MRPL47: variants seen among roughly 807,000 people sequenced by gnomAD.
MRPL47 encodes the protein mitochondrial ribosomal protein L47, also known as large ribosomal subunit protein uL29m.
Under a neutral mutation model 34.0 loss-of-function variants are expected in MRPL47, and 31 were observed. That is an observed-to-expected ratio of 0.91 (90% confidence interval 0.68 to 1.23). The LOEUF is 1.23. Among genes scored for constraint, MRPL47 ranks in the 50% most tolerant of loss-of-function variants. MRPL47 has a pLI of 0.00. For missense variants in MRPL47, 328 were observed against 285.8 expected (o/e 1.15, Z -1.07); for synonymous variants, 106 against 101.6 (o/e 1.04, Z -0.26).
chr3:179,602,866 T>C, intron 1 of MRPL47, 69 bp from the exon 2 acceptor site: 2 of 1,193,718 alleles, frequency 1.7e-6, no homozygotes, highest in Non-Finnish European at 2.4e-6. Flanking sequence ...ATAAACATTA[T>C]CATAATAAAC....
chr3:179,597,893 C>A (rs1560019301), intron 4 of MRPL47, among the ~76,000 whole-genome samples: 1 of 152,068 alleles, frequency 6.6e-6, no homozygotes, highest in Non-Finnish European at 1.5e-5. Context: ...TAAAAATGGT[C>A]AAGACAGTAA....
chr3:179,604,065 G>A (rs969502813), intron 1 of MRPL47, among the ~76,000 whole-genome samples: 1 of 151,616 alleles, frequency 6.6e-6, no homozygotes, highest in Non-Finnish European at 1.5e-5. Context: ...CTGGATCCAG[G>A]ACCAAGAAAA....
intron 6 of MRPL47, among the ~76,000 whole-genome samples, chr3:179,590,448 C>T (rs1298021754): frequency 6.6e-6 from 1 of 152,094 alleles, no homozygotes; most frequent in East Asian, 1.9e-4. Context: ...AAAAAGTGGT[C>T]AGATTTCTTC....
chr3:179,597,972 G>C (rs1718826811), intron 4 of MRPL47, among the ~76,000 whole-genome samples: 1 of 152,092 alleles, frequency 6.6e-6, no homozygotes, highest in African/African-American at 2.4e-5. Flanking sequence ...AGTTACTAAG[G>C]AAATGGTTAA....
intron 3 of MRPL47, among the ~76,000 whole-genome samples, chr3:179,600,539 G>A (rs189925785): frequency 6.6e-6 from 1 of 152,296 alleles, no homozygotes; most frequent in Admixed American, 6.5e-5. Flanking sequence ...CTACTTGAGA[G>A]GCTGAGGCAT....
intron 2 of MRPL47, among the ~76,000 whole-genome samples, chr3:179,602,318 T>C (rs578257598): frequency 6.6e-6 from 1 of 152,278 alleles, no homozygotes; most frequent in Admixed American, 6.5e-5. Flanking sequence ...CACCCCAGTC[T>C]GGGCAACAAG....
chr3:179,601,225 T>C (rs938837468), intron 3 of MRPL47, among the ~76,000 whole-genome samples: 3 of 152,026 alleles, frequency 2.0e-5, no homozygotes, highest in Non-Finnish European at 2.9e-5. Flanking sequence ...CTGGGTAACA[T>C]AGGGAGACTC....
intron 5 of MRPL47, among the ~76,000 whole-genome samples, 186 bp downstream of exon 5, chr3:179,593,579 T>C (rs985502312): frequency 6.6e-6 from 1 of 152,218 alleles, no homozygotes; most frequent in Non-Finnish European, 1.5e-5. Context: ...TTTTACCAGA[T>C]AAAGCTACCT....
At chr3:179,603,728 G>T (rs1400920330) in intron 1 of MRPL47, among the ~76,000 whole-genome samples, 1 of 152,028 alleles carries the variant, frequency 6.6e-6, no homozygotes, top group African/African-American at 2.4e-5. Context: ...ATGTAAATAC[G>T]CAGCTAAGAA....
In MRPL47 at chr3:179,592,744, C is replaced by A; in HGVS notation, c.534-5G>T. On this transcript the variant is annotated splice_polypyrimidine_tract_variant and splice_region_variant and intron_variant, in intron 5 of 6. Coordinates refer to ENST00000476781, the MANE Select transcript of MRPL47 (RefSeq NM_020409.3). ...ACCCACTGCTTGAACTTGTGCCTGC[C>A]AATAAAGCAAAAAGTTATTTGCCTT... is the stretch of plus-strand genomic sequence containing the variant. 1 of 1,589,902 alleles carries A rather than the reference C, an allele frequency of 6.3e-7. No individual in the cohort carries two copies. The highest frequency in any genetic ancestry group is 8.6e-7 in the Non-Finnish European group (1 of 1,162,418).
At chr3:179,591,813 T>G (rs904983271) in intron 6 of MRPL47, among the ~76,000 whole-genome samples, 1 of 152,096 alleles carries the variant, frequency 6.6e-6, no homozygotes, top group African/African-American at 2.4e-5. Context: ...CATACTACAA[T>G]GTTAACAGTG....
At chr3:179,599,413 T>A (rs552541841) in intron 3 of MRPL47, among the ~76,000 whole-genome samples, 1 of 152,202 alleles carries the variant, frequency 6.6e-6, no homozygotes, top group African/African-American at 2.4e-5. Flanking sequence ...TGCCAGACAA[T>A]GTGTTAAACA....
At chr3:179,589,647 T>C (rs1718622027) in intron 6 of MRPL47, among the ~76,000 whole-genome samples, 2 of 152,134 alleles carry the variant, frequency 1.3e-5, no homozygotes, top group Non-Finnish European at 2.9e-5. Context: ...GCAATAAAGA[T>C]GTACTGCTGA....
intron 3 of MRPL47, among the ~76,000 whole-genome samples, chr3:179,601,494 A>G (rs1239505196): frequency 6.6e-6 from 1 of 152,246 alleles, no homozygotes; most frequent in African/African-American, 2.4e-5. Flanking sequence ...AGTAGGACCA[A>G]TGTAAATTAC....
chr3:179,603,192 CCTT>C (rs1718970749), intron 1 of MRPL47, among the ~76,000 whole-genome samples: 1 of 152,152 alleles, frequency 6.6e-6, no homozygotes, highest in Admixed American at 6.5e-5. Context: ...ATTTTTGGGT[CCTT>C]CTTACATTGC....
chr3:179,598,287 T>C (rs1718833663), intron 4 of MRPL47, among the ~76,000 whole-genome samples: 1 of 151,768 alleles, frequency 6.6e-6, no homozygotes, highest in Admixed American at 6.6e-5. Flanking sequence ...CTTGGGAGGC[T>C]GAGGCAGGAG....
chr3:179,601,880 T>C (rs1718935159), intron 2 of MRPL47, 90 bp from the exon 3 acceptor site: 1 of 818,984 alleles, frequency 1.2e-6, no homozygotes, highest in Admixed American at 2.4e-5. Flanking sequence ...TCTAAACCTG[T>C]TTCTTTATCT....
Position 179,598,427 on chromosome 3 carries a change from A to ACACACACACACAC in MRPL47, c.402+247_402+248insGTGTGTGTGTGTG, listed in dbSNP as rs1445696121. On this transcript the variant is annotated intron_variant, in intron 4 of 6. Coordinates refer to ENST00000476781, the MANE Select transcript of MRPL47 (RefSeq NM_020409.3). ...ACACACACACACACACACACACACA[A>ACACACACACACAC]ACAAAAAAAAAAAAACAAAAAACAC... is the stretch of plus-strand genomic sequence containing the variant. 2.2e-4 allele frequency among the ~76,000 whole-genome samples: 11 copies of ACACACACACACAC among 49,146 alleles called. No individual in the cohort carries two copies. The East Asian group carries it at 4.4e-3, about 20-fold the overall frequency. The allele number at this position is 49,146 out of a possible 152,430, so 32.2% of individuals were successfully genotyped here. A position where few individuals can be genotyped will look rare whatever the true frequency, so the allele number is the denominator to read the frequency against.
intron 4 of MRPL47, among the ~76,000 whole-genome samples, chr3:179,594,931 A>G (rs901460974): frequency 9.2e-5 from 14 of 152,232 alleles, no homozygotes; most frequent in Non-Finnish European, 1.8e-4. Flanking sequence ...CTGCATAAGC[A>G]CATTTGTTTC....
Sources: allele counts gnomAD v4.1 joint callset (sites outside exome capture counted in the v4.1 genomes callset), GRCh38; gene constraint gnomAD v4.1.1; transcripts MANE v1.5; gene names NCBI Gene and HGNC (gene_info 2026-07-23, HGNC 2026-07-21).